Variants in TUSC3 observed in about 807,000 individuals in gnomAD.
The protein encoded by TUSC3 is dolichyl-diphosphooligosaccharide--protein glycosyltransferase subunit TUSC3.
In TUSC3, 45 loss-of-function variants were observed where a neutral mutation model predicts 44.8. The observed-to-expected ratio is 1.00, with a 90% CI of 0.79 to 1.29. The LOEUF (loss-of-function observed/expected upper bound fraction) is 1.29. TUSC3 is among the 50% of genes most tolerant of loss of function. The pLI is 0.00. For missense variants in TUSC3, 519 were observed against 437.9 expected (o/e 1.19, Z -1.65); for synonymous variants, 212 against 152.9 (o/e 1.39, Z -2.85).
At chr8:15,686,756 T>G (rs1037864348) in intron 6 of TUSC3, among the ~76,000 whole-genome samples, 4 of 152,092 alleles carry the variant, frequency 2.6e-5, no homozygotes, top group African/African-American at 9.7e-5. Flanking sequence ...GTTAACATTA[T>G]CCTGAAATTT....
intron 1 of TUSC3, among the ~76,000 whole-genome samples, chr8:15,570,868 A>G (rs1477650530): frequency 1.3e-5 from 2 of 151,774 alleles, no homozygotes; most frequent in East Asian, 3.9e-4. Context: ...TGCAGCATGA[A>G]GCTGCCGGAT....
At chr8:15,682,136 C>A (rs1808451741) in intron 6 of TUSC3, among the ~76,000 whole-genome samples, 1 of 152,094 alleles carries the variant, frequency 6.6e-6, no homozygotes, top group Non-Finnish European at 1.5e-5. Flanking sequence ...AATGTTTATT[C>A]TGCAGTTGTT....
At chr8:15,550,264 G>A (rs1235410801) in intron 1 of TUSC3, among the ~76,000 whole-genome samples, 4 of 151,656 alleles carry the variant, frequency 2.6e-5, no homozygotes, top group Non-Finnish European at 4.4e-5. Flanking sequence ...CAGAAATTTG[G>A]CATAAGACAA....
At chr8:15,688,408 C>G (rs970907715) in intron 6 of TUSC3, among the ~76,000 whole-genome samples, 2 of 145,504 alleles carry the variant, frequency 1.4e-5, no homozygotes, top group Non-Finnish European at 3.0e-5. Context: ...AATAAACATT[C>G]AAAAACTAAC....
chr8:15,486,660 G>A (rs1248028515), intron 2 of TUSC3, among the ~76,000 whole-genome samples: 1 of 152,008 alleles, frequency 6.6e-6, no homozygotes, highest in Admixed American at 6.6e-5. Flanking sequence ...GGCCAGGCTG[G>A]TTTTGAGCTC....
At chr8:15,489,155 C>G (rs544524946) in intron 2 of TUSC3, among the ~76,000 whole-genome samples, 2 of 152,310 alleles carry the variant, frequency 1.3e-5, no homozygotes, top group African/African-American at 4.8e-5. Context: ...GGGACAGAAG[C>G]TCCAGGTATG....
downstream of TUSC3, among the ~76,000 whole-genome samples, chr8:15,766,944 A>G (rs1028775944): frequency 6.6e-6 from 1 of 152,152 alleles, no homozygotes; most frequent in Non-Finnish European, 1.5e-5. Flanking sequence ...GGGACAAAAT[A>G]CTTGAATTGA....
intron 1 of TUSC3, among the ~76,000 whole-genome samples, chr8:15,445,445 C>G (rs1184437815): frequency 7.2e-5 from 11 of 151,952 alleles, no homozygotes; most frequent in African/African-American, 2.7e-4. Context: ...TCTGGTTTTC[C>G]TAGGCAGAGG....
chr8:15,487,536 G>T (rs1468118418), intron 2 of TUSC3, among the ~76,000 whole-genome samples: 1 of 152,210 alleles, frequency 6.6e-6, no homozygotes, highest in East Asian at 1.9e-4. Flanking sequence ...AGTTTATCCT[G>T]GTAGGCTTAT....
chr8:15,719,261 A>C (rs961445244), intron 6 of TUSC3, among the ~76,000 whole-genome samples: 4 of 151,900 alleles, frequency 2.6e-5, no homozygotes, highest in African/African-American at 7.3e-5. Flanking sequence ...TAAGGCCTTC[A>C]TGCTGGCCAT....
intron 6 of TUSC3, among the ~76,000 whole-genome samples, chr8:15,691,114 T>C (rs554467141): frequency 1.6e-4 from 25 of 152,024 alleles, no homozygotes; most frequent in Non-Finnish European, 2.2e-4. Flanking sequence ...ATTTTAGCTA[T>C]AGTGATTCTT....
chr8:15,797,749 T>G, the TUSC3 span, among the ~76,000 whole-genome samples: 22 of 152,198 alleles, frequency 1.4e-4, no homozygotes, highest in Admixed American at 1.4e-3. Flanking sequence ...GCTGGGCCTA[T>G]GTCAAAATGG....
chr8:15,605,575 C>G (rs1177076867), intron 1 of TUSC3, among the ~76,000 whole-genome samples: 1 of 151,516 alleles, frequency 6.6e-6, no homozygotes, highest in African/African-American at 2.4e-5. Flanking sequence ...AATTTGAAAG[C>G]ATTCTAAGAT....
downstream of TUSC3, among the ~76,000 whole-genome samples, chr8:15,769,137 GAAC>G (rs1329814505): frequency 1.3e-5 from 2 of 152,028 alleles, no homozygotes; most frequent in East Asian, 3.9e-4. Context: ...AGCAAAAAAA[GAAC>G]AAAGCTGAAG....
the TUSC3 span, among the ~76,000 whole-genome samples, chr8:15,831,471 T>A: frequency 6.6e-6 from 1 of 151,704 alleles, no homozygotes; most frequent in Admixed American, 6.6e-5. Context: ...ATGACAGAAA[T>A]AGCAACCAGA....
intron 1 of TUSC3, among the ~76,000 whole-genome samples, chr8:15,478,655 C>G (rs1449776387): frequency 6.6e-6 from 1 of 152,128 alleles, no homozygotes; most frequent in Non-Finnish European, 1.5e-5. Flanking sequence ...TATATCCCTA[C>G]CACATTTTCT....
chr8:15,737,941 C>G (rs1391279031), intron 7 of TUSC3, among the ~76,000 whole-genome samples: 1 of 152,072 alleles, frequency 6.6e-6, no homozygotes, highest in East Asian at 1.9e-4. Flanking sequence ...AAAAATGTTT[C>G]AGTTAATACA....
intron 1 of TUSC3, among the ~76,000 whole-genome samples, chr8:15,585,215 A>AGG (rs1272028572): frequency 6.6e-6 from 1 of 152,168 alleles, no homozygotes; most frequent in African/African-American, 2.4e-5. Flanking sequence ...GGAGCTATAT[A>AGG]GGGGGACAGA....
chr8:15,850,727 G>A, the TUSC3 span, among the ~76,000 whole-genome samples: 6 of 152,182 alleles, frequency 3.9e-5, no homozygotes, highest in African/African-American at 1.4e-4. Context: ...ATTTTAACAC[G>A]AAGATGCCAT....
Sources: allele counts gnomAD v4.1 joint callset (sites outside exome capture counted in the v4.1 genomes callset), GRCh38; gene constraint gnomAD v4.1.1; transcripts MANE v1.5; gene names NCBI Gene and HGNC (gene_info 2026-07-23, HGNC 2026-07-21).